The following TDRD9 variants were observed in gnomAD, a reference collection of about 807,000 sequenced individuals.
The protein encoded by TDRD9 is ATP-dependent RNA helicase TDRD9.
In TDRD9, 124 loss-of-function variants were observed where a neutral mutation model predicts 172.6. That is an observed-to-expected ratio of 0.72 (90% confidence interval 0.62 to 0.83). The LOEUF is 0.83. Ranked by LOEUF, TDRD9 falls within the 40% of genes least tolerant of loss-of-function variation. The probability of loss-of-function intolerance (pLI) is 0.00; values close to 1 mark genes in which losing one functional copy is unlikely to be tolerated. For synonymous variants in TDRD9, 619 were observed against 617.1 expected, an observed-to-expected ratio of 1.00 and a Z score of -0.05; for missense variants, 1,479 against 1,714.1, an observed-to-expected ratio of 0.86 and a Z score of 2.42.
At chr14:103,998,772 A>G in intron 13 of TDRD9, 44 bp downstream of exon 13, 1 of 981,176 alleles carries the variant, frequency 1.0e-6, no homozygotes, top group Non-Finnish European at 1.6e-6. Flanking sequence ...CATTGGTGAC[A>G]CAGTGGCACA....
intron 1 of TDRD9, among the ~76,000 whole-genome samples, chr14:103,952,251 T>C (rs1210199428): frequency 5.2e-5 from 3 of 57,420 alleles, no homozygotes; most frequent in African/African-American, 2.1e-4. Flanking sequence ...TTTTTTTTTT[T>C]TTTTTTTGAG....
intron 1 of TDRD9, among the ~76,000 whole-genome samples, chr14:103,931,214 G>T (rs890507824): frequency 6.6e-6 from 1 of 151,662 alleles, no homozygotes; most frequent in Non-Finnish European, 1.5e-5. Context: ...TGGGAGAATT[G>T]CTTGAGTCCC....
chr14:104,012,701 A>G (rs554493899), intron 20 of TDRD9, among the ~76,000 whole-genome samples: 9 of 152,114 alleles, frequency 5.9e-5, no homozygotes, highest in Non-Finnish European at 1.0e-4. Flanking sequence ...TCCTGTCTAT[A>G]ATTTCTTTTA....
Position 104,052,156 on chromosome 14 carries a change from C to A in TDRD9, c.*74C>A. The A allele has an allele frequency of 9.6e-7, 1 of 1,041,252 alleles. No homozygotes were observed. Among genetic ancestry groups the A allele is most frequent in the Non-Finnish European group, 1.4e-6 (1 of 694,358 alleles). 64.5% of individuals were successfully genotyped at this position (1,041,252 alleles called of 1,614,324 possible). ...CTGGATTCCAGGCTCCCTCCGCAGA[C>A]TGACTTTCCTCTGTGTCTGGGTGTT... On this transcript the variant is annotated 3_prime_UTR_variant, in exon 36 of 36. Transcript: ENST00000409874.
chr14:103,965,520 G>A lies in TDRD9; in HGVS notation c.608G>A (p.Arg203His), dbSNP rs900354273. The A allele has an allele frequency of 8.4e-6, 13 of 1,550,766 alleles. No individual in the cohort carries two copies. Among genetic ancestry groups the A allele is most frequent in the South Asian group, 1.2e-5 (1 of 84,040 alleles). The change falls in exon 4 of 36, where the codon CGT (arginine) becomes CAT (histidine). Residue 203 changes from arginine to histidine, a missense_variant. Arg to His is a conservative substitution (Grantham distance 29). This residue lies in a region of TDRD9 where 1,413 missense variants were observed against 1,649.1 expected (regional missense o/e 0.86). Coordinates refer to ENST00000409874, the MANE Select transcript of TDRD9 (RefSeq NM_153046.3). Reference sequence around the variant, plus strand: ...ATCGCCAGGTGGATCAGTAAAGAGCGTGCCTGGACCCTGGGAGGTGTGGTG... The same window carrying A: ...ATCGCCAGGTGGATCAGTAAAGAGCATGCCTGGACCCTGGGAGGTGTGGTG... ...SSIARWISKE[R>H]AWTLGGVVGY...
Position 104,014,844 on chromosome 14 carries a change from G to A in TDRD9, c.2223+3G>A, listed in dbSNP as rs570254371. ...ATAAGCAGCGATTCATCCTACAGGT[G>A]TGCTGAAGTTTCCTGGATATTTTTT... On this transcript the variant is annotated splice_donor_region_variant and intron_variant, in intron 21 of 35. Transcript: ENST00000409874. 5.8e-6 allele frequency: 9 copies of A among 1,539,944 alleles called. No individual in the cohort carries two copies. The highest frequency in any genetic ancestry group is 2.8e-5 in the African/African-American group (2 of 71,222).
At chr14:103,933,119 T>C (rs2030513538) in intron 1 of TDRD9, among the ~76,000 whole-genome samples, 2 of 152,228 alleles carry the variant, frequency 1.3e-5, no homozygotes. Context: ...TGTCTCCTCT[T>C]CCACATGGTA....
In TDRD9 at chr14:103,995,506, C is replaced by G. The variant is rs1031791763; in HGVS notation, c.1321-244C>G. ...CACACCAGAAGTCAGGAATAGCTCC[C>G]TTTGCCCGTGTCTTGTCTGCCTGTG... is the stretch of plus-strand genomic sequence containing the variant. On this transcript the variant is annotated intron_variant, in intron 11 of 35. Transcript: ENST00000409874. Among the ~76,000 whole-genome samples the G allele has an allele frequency of 3.3e-5, 5 of 152,302 alleles. No individual in the cohort carries two copies. The South Asian group carries it at 1.0e-3, about 32-fold the overall frequency.
chr14:103,977,925 G>A (rs1031683479), intron 7 of TDRD9, among the ~76,000 whole-genome samples: 4 of 152,208 alleles, frequency 2.6e-5, no homozygotes, highest in African/African-American at 9.6e-5. Flanking sequence ...TGAAGAGACT[G>A]TTCTTTCTCC....
intron 9 of TDRD9, among the ~76,000 whole-genome samples, chr14:103,993,042 T>C (rs2033932322): frequency 6.6e-6 from 1 of 151,572 alleles, no homozygotes; most frequent in Admixed American, 6.6e-5. Flanking sequence ...GTGACCCCGA[T>C]CACTGCAGCC....
At chr14:103,958,425 A>T (rs1255371606) in intron 2 of TDRD9, among the ~76,000 whole-genome samples, 3 of 152,142 alleles carry the variant, frequency 2.0e-5, no homozygotes, top group Non-Finnish European at 4.4e-5. Flanking sequence ...GGTCAGCTGG[A>T]GGCTAATAGC....
At chr14:103,959,670 G>A (rs971039398) in intron 2 of TDRD9, among the ~76,000 whole-genome samples, 5 of 152,082 alleles carry the variant, frequency 3.3e-5, no homozygotes, top group East Asian at 1.9e-4. Context: ...TGATACAGGT[G>A]TTATTTCACT....
chr14:104,042,243 C>G (rs1278281179), intron 34 of TDRD9, 56 bp downstream of exon 34: 2 of 1,204,066 alleles, frequency 1.7e-6, no homozygotes, highest in African/African-American at 1.5e-5. Context: ...TCTCAGCTGC[C>G]TTGATCATGG....
At chr14:104,012,563 T>C (rs991125663) in intron 20 of TDRD9, among the ~76,000 whole-genome samples, 1 of 152,102 alleles carries the variant, frequency 6.6e-6, no homozygotes, top group East Asian at 1.9e-4. Flanking sequence ...TTTAGTTTAC[T>C]TCAGTCTTTC....
rs2034146325 is a variant in TDRD9, at chr14:103,998,716, A to T, written c.1471A>T (p.Asn491Tyr). 6.4e-7 allele frequency: 1 copy of T among 1,562,278 alleles called. No homozygotes were observed. The highest frequency in any genetic ancestry group is 2.2e-5 in the East Asian group (1 of 44,634). The change falls in exon 13 of 36, where the codon AAT becomes TAT. Residue 491 changes from asparagine to tyrosine, a missense_variant. Coordinates refer to ENST00000409874, the MANE Select transcript of TDRD9 (RefSeq NM_153046.3). ...GAGTTGGGCTTCTAAAACCAGCTGT[A>T]ATCAGAGAAAAGGTAAGACATTTGT... ...RLSWASKTSC[N>Y]QRKGRAGRVS...
rs892196700 is a variant in TDRD9 at position 104,034,983 on chromosome 14, A to G, written c.3643A>G (p.Thr1215Ala). ...ATGSTMLLRE[T>A]SLMPHIPGLP... Reference sequence around the variant, plus strand: ...AGGATCTACGATGCTGCTGAGAGAAACCTCTCTGATGCCTCATATCCCTGG... The same window carrying G: ...AGGATCTACGATGCTGCTGAGAGAAGCCTCTCTGATGCCTCATATCCCTGG... The change falls in exon 32 of 36, where the codon ACC becomes GCC. Residue 1215 changes from threonine (T) to alanine (A), a missense_variant. This residue lies in a region of TDRD9 where 1,413 missense variants were observed against 1,649.1 expected (regional missense o/e 0.86). Transcript: ENST00000409874. 8 of 1,551,378 alleles carry G rather than the reference A, an allele frequency of 5.2e-6. No individual in the cohort carries two copies. In the Admixed American group the frequency reaches 9.8e-5, roughly 19 times the overall value.
At chr14:103,991,308 T>A (rs1197678362) in intron 9 of TDRD9, 84 bp downstream of exon 9, 1 of 1,392,382 alleles carries the variant, frequency 7.2e-7, no homozygotes, top group Non-Finnish European at 1.0e-6. Flanking sequence ...TTATGAAAGA[T>A]GGTATTCTCC....
intron 27 of TDRD9, 111 bp downstream of exon 27, chr14:104,026,247 G>A (rs2035114021): frequency 4.1e-6 from 3 of 732,300 alleles, no homozygotes; most frequent in Non-Finnish European, 7.0e-6. Flanking sequence ...GGGAGCCAAG[G>A]CCCAGGACAG....
intron 34 of TDRD9, among the ~76,000 whole-genome samples, chr14:104,042,574 G>T (rs1395956888): frequency 6.6e-6 from 1 of 152,190 alleles, no homozygotes; most frequent in Non-Finnish European, 1.5e-5. Flanking sequence ...ATTCTGACCT[G>T]ACTTCCCTGT....
Sources: allele counts gnomAD v4.1 joint callset (sites outside exome capture counted in the v4.1 genomes callset), GRCh38; gene constraint gnomAD v4.1.1; regional missense constraint gnomAD v4.1.1; transcripts MANE v1.5; gene names NCBI Gene and HGNC (gene_info 2026-07-23, HGNC 2026-07-21).